FAR2: variants seen among roughly 807,000 people sequenced by gnomAD.
FAR2 encodes epididymis secretory protein Li 81.
A neutral mutation model predicts 56.0 loss-of-function variants in FAR2; 19 were observed. The ratio of observed to expected loss-of-function variants is 0.34; its 90% CI spans 0.24 to 0.50. The LOEUF (loss-of-function observed/expected upper bound fraction) is 0.50. Among genes scored for constraint, FAR2 ranks in the 20% least tolerant of loss-of-function variants. The probability of loss-of-function intolerance (pLI) is 0.98; values close to 1 mark genes in which losing one functional copy is unlikely to be tolerated. For synonymous variants in FAR2, 219 were observed against 218.8 expected (o/e 1.00, Z -0.01); for missense variants, 508 against 642.2 (o/e 0.79, Z 2.26).
rs1443838421 is a variant in FAR2 at position 29,333,620 on chromosome 12, T to C, written c.1386-12T>C. The stretch of plus-strand genomic sequence containing the variant: ...GTAGTTTTAACTTTGGTTATGTCTG[T>C]CTGTTCCCTAGGCTCCGAAATATTC... On this transcript the variant is annotated splice_polypyrimidine_tract_variant and intron_variant, in intron 11 of 11. Coordinates refer to ENST00000536681, the MANE Select transcript of FAR2 (RefSeq NM_001271783.2). The C allele has an allele frequency of 6.2e-7, 1 of 1,608,858 alleles. No individual in the cohort carries two copies. The highest frequency in any genetic ancestry group is 8.5e-7 in the Non-Finnish European group (1 of 1,177,414).
At chr12:29,155,627 G>A (rs1462010475) in intron 1 of FAR2, among the ~76,000 whole-genome samples, 1 of 152,110 alleles carries the variant, frequency 6.6e-6, no homozygotes, top group African/African-American at 2.4e-5. Context: ...TCTGTGACAT[G>A]GGAAAAATTA....
At chr12:29,215,088 A>G (rs1367489572) in intron 1 of FAR2, among the ~76,000 whole-genome samples, 2 of 152,176 alleles carry the variant, frequency 1.3e-5, no homozygotes, top group African/African-American at 4.8e-5. Context: ...CATGTTCAAG[A>G]ATCAGAAAAA....
At chr12:29,253,524 A>C (rs938711355) in intron 1 of FAR2, among the ~76,000 whole-genome samples, 1 of 152,020 alleles carries the variant, frequency 6.6e-6, no homozygotes, top group Non-Finnish European at 1.5e-5. Context: ...TAATACAATG[A>C]TAATCTATTT....
At chr12:29,248,705 A>G (rs966480759) in intron 1 of FAR2, among the ~76,000 whole-genome samples, 1 of 152,150 alleles carries the variant, frequency 6.6e-6, no homozygotes, top group Non-Finnish European at 1.5e-5. Flanking sequence ...TAAGCCTGGG[A>G]GCACTATGGG....
chr12:29,271,566 T>G (rs993722290), intron 2 of FAR2, among the ~76,000 whole-genome samples: 2 of 152,222 alleles, frequency 1.3e-5, no homozygotes, highest in Non-Finnish European at 2.9e-5. Flanking sequence ...TGTTAACATC[T>G]ATGATGCACA....
intron 1 of FAR2, among the ~76,000 whole-genome samples, chr12:29,262,123 A>G (rs929856919): frequency 6.6e-6 from 1 of 152,248 alleles, no homozygotes; most frequent in Non-Finnish European, 1.5e-5. Context: ...GACATAGCCA[A>G]TACAATAATA....
chr12:29,149,942 C>G (rs1055022635), intron 1 of FAR2, among the ~76,000 whole-genome samples: 3 of 152,180 alleles, frequency 2.0e-5, no homozygotes, highest in Non-Finnish European at 4.4e-5. Flanking sequence ...TCGCCAGCCC[C>G]CAGCCCCACC....
chr12:29,293,863 C>T lies in FAR2; in HGVS notation c.365+388C>T, dbSNP rs548389871. On this transcript the variant is annotated intron_variant, in intron 3 of 11. Transcript: ENST00000536681. ...ATAATATATTAAACCAGTTCTATGT[C>T]GGTGGACATTTGGATTGTTTTAATT... Among the ~76,000 whole-genome samples, 59 of 152,188 alleles carry T rather than the reference C, an allele frequency of 3.9e-4. 2 individuals carry two copies. The South Asian group carries it at 0.012, about 31-fold the overall frequency.
intron 1 of FAR2, among the ~76,000 whole-genome samples, chr12:29,234,334 A>G (rs1028086820): frequency 6.6e-6 from 1 of 152,116 alleles, no homozygotes. Flanking sequence ...AGTCAATATC[A>G]TCAGCACCTG....
chr12:29,153,395 A>T (rs745937296), intron 1 of FAR2, among the ~76,000 whole-genome samples: 54 of 152,156 alleles, frequency 3.5e-4, no homozygotes, highest in Non-Finnish European at 6.2e-4. Flanking sequence ...TGCAAATGGG[A>T]AGGTCTTAAG....
intron 1 of FAR2, among the ~76,000 whole-genome samples, chr12:29,241,597 C>CT (rs1948036511): frequency 6.6e-6 from 1 of 152,134 alleles, no homozygotes; most frequent in Non-Finnish European, 1.5e-5. Flanking sequence ...CAGACTTTAT[C>CT]ACAACCTGAC....
intron 2 of FAR2, among the ~76,000 whole-genome samples, chr12:29,287,000 C>A (rs1028886232): frequency 6.6e-6 from 1 of 152,156 alleles, no homozygotes; most frequent in Admixed American, 6.5e-5. Flanking sequence ...TAAGTAACTT[C>A]CCCCAGTCAC....
intron 5 of FAR2, 175 bp downstream of exon 5, chr12:29,308,010 A>G: frequency 1.7e-6 from 1 of 601,054 alleles, no homozygotes; most frequent in Non-Finnish European, 2.8e-6. Flanking sequence ...GGATTTACCC[A>G]GCATGTGGCT....
At chr12:29,323,015 T>C (rs1181334787) in intron 10 of FAR2, among the ~76,000 whole-genome samples, 1 of 152,242 alleles carries the variant, frequency 6.6e-6, no homozygotes, top group Non-Finnish European at 1.5e-5. Context: ...ATCACCCGTC[T>C]TCTGCGTCGC....
intron 11 of FAR2, chr12:29,332,951 C>A (rs1949753782): frequency 1.2e-5 from 7 of 607,466 alleles, no homozygotes; most frequent in South Asian, 1.1e-4. Flanking sequence ...AGGCAGATAT[C>A]TAGATTTAAA....
intron 1 of FAR2, among the ~76,000 whole-genome samples, chr12:29,234,679 T>C (rs12319661): frequency 0.047 from 7,084 of 152,210 alleles, 413 homozygotes; most frequent in African/African-American, 0.13. Context: ...GGATAAAACT[T>C]ATCCCTTTAT....
At chr12:29,189,636 A>G (rs1950082780) in intron 1 of FAR2, among the ~76,000 whole-genome samples, 1 of 152,214 alleles carries the variant, frequency 6.6e-6, no homozygotes, top group Non-Finnish European at 1.5e-5. Flanking sequence ...ACTAACCAAT[A>G]TATATACACA....
At chr12:29,231,823 A>C (rs1947862313) in intron 1 of FAR2, among the ~76,000 whole-genome samples, 1 of 152,156 alleles carries the variant, frequency 6.6e-6, no homozygotes, top group Non-Finnish European at 1.5e-5. Flanking sequence ...GACATCCTGA[A>C]GTTCTGGGGA....
At chr12:29,267,329 G>T (rs1948534638) in intron 1 of FAR2, among the ~76,000 whole-genome samples, 1 of 152,194 alleles carries the variant, frequency 6.6e-6, no homozygotes, top group Non-Finnish European at 1.5e-5. Flanking sequence ...TATAGGCAAT[G>T]TATATTGCTA....
Sources: gnomAD v4.1 joint callset for allele counts (sites outside exome capture counted in the v4.1 genomes callset) on GRCh38, gnomAD v4.1.1 for gene constraint, MANE v1.5 for transcripts, NCBI Gene and HGNC (gene_info 2026-07-23, HGNC 2026-07-21) for gene names.